NIPA1: variants seen among roughly 807,000 people sequenced by gnomAD.
NIPA1 encodes magnesium transporter NIPA1.
Under a neutral mutation model 23.9 loss-of-function variants are expected in NIPA1, and 13 were observed. That is an observed-to-expected ratio of 0.54 (90% CI 0.35 to 0.87). NIPA1 has a LOEUF of 0.87. NIPA1 is among the 40% of genes least tolerant of loss of function. The probability of loss-of-function intolerance (pLI) is 0.01; values close to 1 mark genes in which losing one functional copy is unlikely to be tolerated. For synonymous variants in NIPA1, 234 were observed against 202.9 expected, an observed-to-expected ratio of 1.15 and a Z score of -1.30; for missense variants, 362 against 429.7, an observed-to-expected ratio of 0.84 and a Z score of 1.39.
intron 4 of NIPA1, among the ~76,000 whole-genome samples, chr15:22,823,319 A>C (rs924126084): frequency 6.6e-6 from 1 of 150,844 alleles, no homozygotes; most frequent in Admixed American, 6.6e-5. Flanking sequence ...GGTTCAAGTG[A>C]TTCTCCTGCC....
chr15:22,787,832 G>T (rs1462352685), intron 1 of NIPA1, among the ~76,000 whole-genome samples: 1 of 152,206 alleles, frequency 6.6e-6, no homozygotes, highest in Non-Finnish European at 1.5e-5. Context: ...AACTTTCTCT[G>T]AGTGAGCCAG....
intron 3 of NIPA1, chr15:22,813,955 T>G (rs1456828238): frequency 6.9e-6 from 3 of 437,168 alleles, no homozygotes; most frequent in African/African-American, 6.0e-5. Flanking sequence ...CCTGGTGATC[T>G]TGGCACGTGG....
Position 22,823,926 on chromosome 15 carries a change from C to T in NIPA1, c.677C>T (p.Ala226Val), listed in dbSNP as rs1176151901. 1 of 1,614,180 alleles carries T rather than the reference C, an allele frequency of 6.2e-7. No homozygotes were observed. The highest frequency in any genetic ancestry group is 8.5e-7 in the Non-Finnish European group (1 of 1,179,998). The change falls in exon 5 of 5, where the codon GCC becomes GTC. Residue 226 changes from alanine (A) to valine (V), a missense_variant. Transcript: ENST00000337435. ...CATAACAACCCGTCCAGTCAGAGAG[C>T]CCTCTGCCTGTGCCTGGTACTCCTG... ...ILHNNPSSQR[A>V]LCLCLVLLAV...
At chr15:22,821,843 A>G (rs1036324479) in intron 4 of NIPA1, among the ~76,000 whole-genome samples, 1 of 152,198 alleles carries the variant, frequency 6.6e-6, no homozygotes, top group African/African-American at 2.4e-5. Flanking sequence ...AATGGATTTC[A>G]TGGAAAACAC....
At chr15:22,802,366 TG>T (rs1450197475) in intron 1 of NIPA1, among the ~76,000 whole-genome samples, 3 of 132,604 alleles carry the variant, frequency 2.3e-5, no homozygotes, top group Non-Finnish European at 4.6e-5. Flanking sequence ...CCCTTCAACC[TG>T]GGCGACAGAG....
chr15:22,797,711 T>C (rs1300271580), intron 1 of NIPA1, among the ~76,000 whole-genome samples: 1 of 151,042 alleles, frequency 6.6e-6, no homozygotes, highest in Non-Finnish European at 1.5e-5. Context: ...CTATATTGGC[T>C]AGGCTGGTCT....
intron 1 of NIPA1, among the ~76,000 whole-genome samples, chr15:22,794,383 C>T (rs566333780): frequency 1.7e-4 from 26 of 151,742 alleles, no homozygotes; most frequent in Non-Finnish European, 2.9e-4. Flanking sequence ...TTTATGGGTA[C>T]AAAGCTTCAG....
intron 3 of NIPA1, among the ~76,000 whole-genome samples, chr15:22,818,456 G>A (rs1895469087): frequency 6.6e-6 from 1 of 150,830 alleles, no homozygotes; most frequent in Non-Finnish European, 1.5e-5. Context: ...AAACGAAACA[G>A]AAACTCTTAC....
intron 1 of NIPA1, among the ~76,000 whole-genome samples, chr15:22,803,346 A>ATATGTATATATTACG: frequency 6.6e-6 from 1 of 151,894 alleles, no homozygotes; most frequent in East Asian, 1.9e-4. Flanking sequence ...GTGTGTGTGT[A>ATATGTATATATTACG]TATGTATATA....
At chr15:22,794,453 A>G (rs1464484793) in intron 1 of NIPA1, among the ~76,000 whole-genome samples, 1 of 152,080 alleles carries the variant, frequency 6.6e-6, no homozygotes, top group East Asian at 1.9e-4. Flanking sequence ...ATGTCAGTGT[A>G]CTTCACAGGA....
At position 22,824,413 on chromosome 15, in the gene NIPA1, C is replaced by T; in HGVS notation, c.*174C>T. Reference sequence around the variant, plus strand: ...CTCAGCACCAGAGCAGAGGCCCAGCCAGCCCTCTGCAGCCCAAACGTCCCC... The same window carrying T: ...CTCAGCACCAGAGCAGAGGCCCAGCTAGCCCTCTGCAGCCCAAACGTCCCC... On this transcript the variant is annotated 3_prime_UTR_variant, in exon 5 of 5. Coordinates refer to ENST00000337435, the MANE Select transcript of NIPA1 (RefSeq NM_144599.5). This position sits in a 1 kb window ranked among gnomAD's most constrained non-coding sequence, Gnocchi z 4.1. 3.1e-6 allele frequency: 2 copies of T among 639,482 alleles called. No homozygotes were observed. The allele number at this position is 639,482 out of a possible 1,614,324, so 39.6% of individuals were successfully genotyped here. A position where few individuals can be genotyped will look rare whatever the true frequency, so the allele number is the denominator to read the frequency against.
chr15:22,809,504 G>C lies in NIPA1; in HGVS notation c.179-1245G>C, dbSNP rs370645394. On this transcript the variant is annotated intron_variant, in intron 1 of 4. Coordinates refer to ENST00000337435, the MANE Select transcript of NIPA1 (RefSeq NM_144599.5). ...TGCACACCTGTAATCCAGCAGTTTG[G>C]GAGTCTGAGGCAGGCGGATCACCTG... Among the ~76,000 whole-genome samples, 17 of 152,236 alleles carry C rather than the reference G, an allele frequency of 1.1e-4. No individual in the cohort carries two copies. The East Asian group carries it at 3.3e-3, about 29-fold the overall frequency.
At chr15:22,788,515 A>AAAAAAAAAAAAAAAAAAATT (rs1894760236) in intron 1 of NIPA1, among the ~76,000 whole-genome samples, 1 of 151,098 alleles carries the variant, frequency 6.6e-6, no homozygotes, top group Admixed American at 6.6e-5. Flanking sequence ...AAAAAAAAAA[A>AAAAAAAAAAAAAAAAAAATT]TCTTGCAGTA....
At position 22,829,497 on chromosome 15, in the gene NIPA1, G is replaced by A. The variant is rs181610828; in HGVS notation, c.*5258G>A. On this transcript the variant is annotated 3_prime_UTR_variant, in exon 5 of 5. Coordinates refer to ENST00000337435, the MANE Select transcript of NIPA1 (RefSeq NM_144599.5). The stretch of plus-strand genomic sequence containing the variant: ...GCTTGAGCGTTTTGCCTTTTCAAAG[G>A]ATAACTATTATTTTCTTGAAAATGG... The A allele has an allele frequency of 7.0e-4, 107 of 152,506 alleles. No individual in the cohort carries two copies. The highest frequency in any genetic ancestry group is 1.2e-3 in the Non-Finnish European group (79 of 68,022). 9.4% of individuals were successfully genotyped at this position (152,506 alleles called of 1,614,324 possible).
chr15:22,804,487 T>C (rs1453157877), intron 1 of NIPA1, among the ~76,000 whole-genome samples: 1 of 152,144 alleles, frequency 6.6e-6, no homozygotes. Context: ...GTTTTTTTCC[T>C]ATCTGGTCGG....
At chr15:22,813,021 G>A (rs1436585292) in intron 3 of NIPA1, among the ~76,000 whole-genome samples, 2 of 152,216 alleles carry the variant, frequency 1.3e-5, no homozygotes, top group African/African-American at 4.8e-5. Flanking sequence ...ATCAATGGAT[G>A]TGAAATAGGA....
intron 3 of NIPA1, among the ~76,000 whole-genome samples, chr15:22,812,663 A>AG (rs34937899): frequency 6.6e-6 from 1 of 151,864 alleles, no homozygotes; most frequent in South Asian, 2.1e-4. Context: ...AAAAAAAAAA[A>AG]AGAAGATAGA....
At chr15:22,815,079 GA>G (rs1277731505) in intron 3 of NIPA1, among the ~76,000 whole-genome samples, 1 of 151,988 alleles carries the variant, frequency 6.6e-6, no homozygotes, top group East Asian at 1.9e-4. Flanking sequence ...TGTTCTATAT[GA>G]ATATGATGTG....
intron 1 of NIPA1, among the ~76,000 whole-genome samples, chr15:22,805,559 G>GC (rs1355008504): frequency 2.6e-4 from 39 of 152,232 alleles, no homozygotes; most frequent in African/African-American, 9.4e-4. Context: ...TGGTGGCGCA[G>GC]CCTGTAATGC....
Sources: allele counts gnomAD v4.1 joint callset (sites outside exome capture counted in the v4.1 genomes callset), GRCh38; gene constraint gnomAD v4.1.1; non-coding constraint Gnocchi (gnomAD v3.1); transcripts MANE v1.5; gene names NCBI Gene and HGNC (gene_info 2026-07-23, HGNC 2026-07-21).